The following LARGE1 variants were observed in gnomAD, a reference collection of about 807,000 sequenced individuals.
LARGE1 encodes the protein xylosyl- and glucuronyltransferase LARGE1.
In LARGE1, 43 loss-of-function variants were observed where a neutral mutation model predicts 87.6. That is an observed-to-expected ratio of 0.49 (90% CI 0.38 to 0.63). LARGE1 has a LOEUF of 0.63. Ranked by LOEUF, LARGE1 falls within the 30% of genes least tolerant of loss-of-function variation. The probability of loss-of-function intolerance (pLI) is 0.00; values close to 1 mark genes in which losing one functional copy is unlikely to be tolerated. For synonymous variants in LARGE1, 434 were observed against 394.6 expected (o/e 1.10, Z -1.18); for missense variants, 802 against 1,000.2 (o/e 0.80, Z 2.67).
intron 6 of LARGE1, among the ~76,000 whole-genome samples, chr22:33,556,306 A>G (rs570704071): frequency 6.6e-6 from 1 of 152,126 alleles, no homozygotes; most frequent in Non-Finnish European, 1.5e-5. Flanking sequence ...CAACAGACTT[A>G]AAGAGTTTTA....
chr22:33,883,660 T>G (rs970241343), intron 1 of LARGE1, among the ~76,000 whole-genome samples: 1 of 152,142 alleles, frequency 6.6e-6, no homozygotes, highest in African/African-American at 2.4e-5. Flanking sequence ...CCCTCTGTGG[T>G]CTCTCTATTA....
chr22:33,785,679 C>T (rs1322880337), intron 1 of LARGE1, among the ~76,000 whole-genome samples: 1 of 152,156 alleles, frequency 6.6e-6, no homozygotes, highest in Non-Finnish European at 1.5e-5. Context: ...TTTACAAATA[C>T]TTTTAAGCTG....
intron 6 of LARGE1, among the ~76,000 whole-genome samples, chr22:33,450,160 C>T (rs918946918): frequency 3.9e-5 from 6 of 151,980 alleles, no homozygotes; most frequent in Non-Finnish European, 8.8e-5. Context: ...GATCCATCCA[C>T]CTCCACCTCC....
chr22:33,633,257 T>C (rs775030844), intron 3 of LARGE1, among the ~76,000 whole-genome samples: 8 of 152,098 alleles, frequency 5.3e-5, no homozygotes, highest in Non-Finnish European at 1.0e-4. Flanking sequence ...AAGCTGGGTG[T>C]CTTTGCATCC....
intron 10 of LARGE1, among the ~76,000 whole-genome samples, chr22:33,329,421 G>T (rs1422766756): frequency 6.8e-6 from 1 of 148,040 alleles, no homozygotes; most frequent in Non-Finnish European, 1.5e-5. Flanking sequence ...AAATACCTTT[G>T]TGGGTTTTTT....
chr22:33,259,092 A>C (rs780717824), intron 11 of LARGE1, among the ~76,000 whole-genome samples: 13 of 152,074 alleles, frequency 8.5e-5, no homozygotes, highest in East Asian at 1.9e-4. Flanking sequence ...GTTGGCCAGG[A>C]TGGTCTTGAA....
chr22:33,555,020 C>A (rs1328170101), intron 6 of LARGE1, among the ~76,000 whole-genome samples: 1 of 152,200 alleles, frequency 6.6e-6, no homozygotes, highest in Admixed American at 6.5e-5. Context: ...TTCAACCAAC[C>A]TGGACTGAAA....
chr22:33,801,561 T>C (rs768285185), intron 1 of LARGE1, among the ~76,000 whole-genome samples: 9 of 152,194 alleles, frequency 5.9e-5, no homozygotes, highest in Non-Finnish European at 1.3e-4. Flanking sequence ...TGGTTTTTAA[T>C]GTTGAGTCTG....
intron 9 of LARGE1, among the ~76,000 whole-genome samples, chr22:33,355,440 T>C (rs1220911460): frequency 2.0e-5 from 3 of 152,196 alleles, no homozygotes; most frequent in Non-Finnish European, 4.4e-5. Context: ...TAGGCTGAAA[T>C]GTGTTTTGCA....
chr22:33,905,062 CTTTTTTTTTTTT>C (rs71187290), intron 1 of LARGE1, among the ~76,000 whole-genome samples: 1 of 118,886 alleles, frequency 8.4e-6, no homozygotes, highest in Admixed American at 9.3e-5. Flanking sequence ...TTTTTAATTC[CTTTTTTTTTTTT>C]TTTTTTTTTG....
At chr22:33,296,804 G>A (rs5998855) in intron 12 of LARGE1, among the ~76,000 whole-genome samples, 3 of 152,084 alleles carry the variant, frequency 2.0e-5, no homozygotes, top group African/African-American at 7.2e-5. Context: ...CCCAACCTCA[G>A]GTGATCTGCC....
At chr22:33,818,951 G>A (rs571768612) in intron 1 of LARGE1, among the ~76,000 whole-genome samples, 1 of 152,270 alleles carries the variant, frequency 6.6e-6, no homozygotes, top group East Asian at 1.9e-4. Context: ...TAGGGCTGCA[G>A]GCTACACCGC....
Position 33,915,191 on chromosome 22 carries a change from C to G in LARGE1, c.-83+4804G>C, listed in dbSNP as rs537649266. ...CATTCTCTATCTAATATCCTTCAGG[C>G]AGTTACACTGTTGCTTGCTCTTCCT... On this transcript the variant is annotated intron_variant, in intron 1 of 14. Transcript: ENST00000397394. Among the ~76,000 whole-genome samples, 15 of 152,286 alleles carry G rather than the reference C, an allele frequency of 9.8e-5. No homozygotes were observed. In the South Asian group the frequency reaches 2.9e-3, roughly 29 times the overall value.
rs1250040390 is a variant in LARGE1 at position 33,384,227 on chromosome 22, G to A, written c.970C>T (p.Leu324Phe). 2 of 1,614,032 alleles carry A rather than the reference G, an allele frequency of 1.2e-6. No individual in the cohort carries two copies. The highest frequency in any genetic ancestry group is 1.1e-5 in the South Asian group (1 of 91,086). ...QMWRLTAERE[L>F]MGMLSTSLAD... is the part of the protein sequence containing the mutation. The stretch of plus-strand genomic sequence containing the variant: ...AAGGATGTAGAGAGCATGCCCATGA[G>A]CTCCCTCTCTGCGGTCAGCCTCCAC... Residue 324 changes from leucine to phenylalanine, a missense_variant, in exon 8 of 15, where the codon CTC (leucine) becomes TTC (phenylalanine). This residue lies in a region of LARGE1 where 625 missense variants were observed against 841.9 expected (regional missense o/e 0.74). Coordinates refer to ENST00000397394, the MANE Select transcript of LARGE1 (RefSeq NM_133642.5).
intron 12 of LARGE1, among the ~76,000 whole-genome samples, chr22:33,286,955 T>C (rs1931659988): frequency 6.6e-6 from 1 of 152,042 alleles, no homozygotes; most frequent in African/African-American, 2.4e-5. Flanking sequence ...CAAGGGCAGG[T>C]TGTTTAGGAT....
chr22:33,868,330 G>A (rs1027979359), intron 1 of LARGE1, among the ~76,000 whole-genome samples: 1 of 152,152 alleles, frequency 6.6e-6, no homozygotes, highest in Non-Finnish European at 1.5e-5. Context: ...TTTTATACAT[G>A]TACTAAAATT....
chr22:33,603,804 T>C (rs1342557082), intron 5 of LARGE1, among the ~76,000 whole-genome samples: 1 of 152,276 alleles, frequency 6.6e-6, no homozygotes, highest in African/African-American at 2.4e-5. Context: ...CTCAACACGA[T>C]GCAAGCAAAA....
chr22:33,274,188 A>G lies in LARGE1; in HGVS notation c.*239T>C. On this transcript the variant is annotated 3_prime_UTR_variant, in exon 15 of 15. Transcript: ENST00000397394. ...ACCCCTTGATTTCCCATTCTTGAAGAGACTCATCTAGGTGGGCTGCATAGC... is the reference window on the plus strand; with the variant it reads ...ACCCCTTGATTTCCCATTCTTGAAGGGACTCATCTAGGTGGGCTGCATAGC... 2 of 599,566 alleles carry G rather than the reference A, an allele frequency of 3.3e-6. No individual in the cohort carries two copies. The highest frequency in any genetic ancestry group is 5.9e-6 in the Non-Finnish European group (2 of 337,786). 37.1% of individuals were successfully genotyped at this position (599,566 alleles called of 1,614,324 possible).
chr22:33,312,020 T>C (rs1935653055), intron 11 of LARGE1, among the ~76,000 whole-genome samples: 1 of 152,174 alleles, frequency 6.6e-6, no homozygotes, highest in Non-Finnish European at 1.5e-5. Flanking sequence ...AATATTAAGA[T>C]TCTGGTCAAC....
Sources: gnomAD v4.1 joint callset for allele counts (sites outside exome capture counted in the v4.1 genomes callset) on GRCh38, gnomAD v4.1.1 for gene constraint, gnomAD v4.1.1 regional missense constraint, MANE v1.5 for transcripts, NCBI Gene and HGNC (gene_info 2026-07-23, HGNC 2026-07-21) for gene names.